ALK: variants seen among roughly 807,000 people sequenced by gnomAD.
The protein encoded by ALK is ALK receptor tyrosine kinase.
Under a neutral mutation model 163.1 loss-of-function variants are expected in ALK, and 74 were observed. The observed-to-expected ratio is 0.45, with a 90% CI of 0.38 to 0.55. The LOEUF is 0.55. Among genes scored for constraint, ALK ranks in the 20% least tolerant of loss-of-function variants. The pLI, the probability that ALK is intolerant of heterozygous loss-of-function variation, is 0.00. For synonymous variants in ALK, 960 were observed against 843.2 expected (o/e 1.14, Z -2.40); for missense variants, 2,063 against 2,105.3 (o/e 0.98, Z 0.39).
intron 4 of ALK, among the ~76,000 whole-genome samples, chr2:29,530,810 G>T (rs1673101316): frequency 6.6e-6 from 1 of 152,214 alleles, no homozygotes; most frequent in African/African-American, 2.4e-5. Flanking sequence ...TTCTCAGCCA[G>T]CCCAGAGAGG....
At chr2:29,198,361 C>T (rs1053418446) in intron 26 of ALK, among the ~76,000 whole-genome samples, 1 of 152,140 alleles carries the variant, frequency 6.6e-6, no homozygotes, top group African/African-American at 2.4e-5. Flanking sequence ...TTTTCCAACT[C>T]ATCAGCACCT....
intron 4 of ALK, among the ~76,000 whole-genome samples, chr2:29,502,803 T>G (rs1672221404): frequency 6.6e-6 from 1 of 152,188 alleles, no homozygotes; most frequent in African/African-American, 2.4e-5. Flanking sequence ...GGGTGCTGTG[T>G]GTACTGCTGA....
Position 29,193,846 on chromosome 2 carries a change from C to T in ALK, c.4241G>A (p.Arg1414Lys), listed in dbSNP as rs77762612. Residue 1414 changes from arginine (R) to lysine (K), a missense_variant, in exon 29 of 29, where the codon AGG becomes AAG. Physicochemically the swap from Arg to Lys is conservative, Grantham distance 26. Transcript: ENST00000389048. ...AGGAACCCCCTCAGGGTCCTTGGGC[C>T]TCACAGGCACTTTCTCTTCCTCTTC... ...LVEEEEKVPVRPKDPEGVPPL... is the reference protein window; with the variant it reads ...LVEEEEKVPVKPKDPEGVPPL... The T allele has an allele frequency of 3.7e-6, 6 of 1,612,864 alleles. No homozygotes were observed. In the African/African-American group the frequency reaches 4.0e-5, roughly 11 times the overall value.
At chr2:29,263,404 G>T (rs1330393398) in intron 11 of ALK, among the ~76,000 whole-genome samples, 1 of 152,176 alleles carries the variant, frequency 6.6e-6, no homozygotes, top group African/African-American at 2.4e-5. Flanking sequence ...CCTTGGAATT[G>T]TAACACTTCC....
chr2:29,501,470 C>G (rs1672174462), intron 4 of ALK, among the ~76,000 whole-genome samples: 1 of 152,214 alleles, frequency 6.6e-6, no homozygotes, highest in Non-Finnish European at 1.5e-5. Context: ...GCTGCTCCTG[C>G]AAATTCTCAC....
At chr2:29,847,153 T>C (rs1308339710) in intron 1 of ALK, among the ~76,000 whole-genome samples, 1 of 151,880 alleles carries the variant, frequency 6.6e-6, no homozygotes, top group Non-Finnish European at 1.5e-5. Flanking sequence ...TCCCAGGGGC[T>C]CCTCCCTTCC....
intron 4 of ALK, among the ~76,000 whole-genome samples, chr2:29,417,493 A>G (rs1349511100): frequency 1.3e-5 from 2 of 152,206 alleles, no homozygotes; most frequent in African/African-American, 4.8e-5. Flanking sequence ...CATCAGAGAA[A>G]GCCCTAGTGT....
chr2:29,847,189 C>A (rs79468102), intron 1 of ALK, among the ~76,000 whole-genome samples: 1 of 152,194 alleles, frequency 6.6e-6, no homozygotes, highest in East Asian at 1.9e-4. Context: ...GTATTCTCAT[C>A]TATGAATAGG....
At chr2:29,383,907 G>C (rs1423833635) in intron 4 of ALK, 48 bp from the exon 5 acceptor site, 1 of 1,612,440 alleles carries the variant, frequency 6.2e-7, no homozygotes, top group Non-Finnish European at 8.5e-7. Context: ...AAACAGATAT[G>C]AGAATTAGGC....
intron 4 of ALK, among the ~76,000 whole-genome samples, chr2:29,506,059 C>T (rs1313575500): frequency 6.6e-6 from 1 of 152,134 alleles, no homozygotes; most frequent in African/African-American, 2.4e-5. Context: ...TCTTTAGGGC[C>T]AGTGATCCCC....
intron 4 of ALK, among the ~76,000 whole-genome samples, chr2:29,384,268 AATG>A (rs1668977109): frequency 6.6e-6 from 1 of 152,224 alleles, no homozygotes; most frequent in Admixed American, 6.5e-5. Flanking sequence ...CTCTAGAAAG[AATG>A]ATTGGTTTTC....
At chr2:29,337,371 G>C (rs1047842592) in intron 5 of ALK, among the ~76,000 whole-genome samples, 1 of 152,184 alleles carries the variant, frequency 6.6e-6, no homozygotes, top group African/African-American at 2.4e-5. Flanking sequence ...TTGAGGCCTA[G>C]CCTTGCCATC....
chr2:29,537,671 G>A (rs1673297794), intron 3 of ALK, among the ~76,000 whole-genome samples: 2 of 152,218 alleles, frequency 1.3e-5, no homozygotes, highest in African/African-American at 2.4e-5. Context: ...GGGGGCTGCT[G>A]CCTTCTATAT....
intron 5 of ALK, among the ~76,000 whole-genome samples, chr2:29,360,086 T>A (rs913570519): frequency 2.6e-5 from 4 of 152,218 alleles, no homozygotes; most frequent in Non-Finnish European, 5.9e-5. Flanking sequence ...GGGATCTCTC[T>A]TCTTCTCAGG....
Position 29,275,432 on chromosome 2 carries a change from T to C in ALK, c.1882A>G (p.Ile628Val), listed in dbSNP as rs775145742. 2.5e-6 allele frequency: 4 copies of C among 1,613,920 alleles called. No homozygotes were observed. The Admixed American group carries it at 6.7e-5, about 27-fold the overall frequency. The change falls in exon 10 of 29, where the codon ATC becomes GTC. Residue 628 changes from isoleucine to valine, a missense_variant. Coordinates refer to ENST00000389048, the MANE Select transcript of ALK (RefSeq NM_004304.5). ...GSRAIVAFDNISISLDCYLTI... is the reference protein window; with the variant it reads ...GSRAIVAFDNVSISLDCYLTI... ...AGGTAGCAGTCCAGGCTGATGGAGA[T>C]ATTGTCAAAAGCCACGATGGCTCTG...
Position 29,769,465 on chromosome 2 carries a change from C to T in ALK, c.668-51768G>A, listed in dbSNP as rs566576769. 1.6e-4 allele frequency among the ~76,000 whole-genome samples: 25 copies of T among 152,226 alleles called. No individual in the cohort carries two copies. The South Asian group carries it at 5.0e-3, about 30-fold the overall frequency. On this transcript the variant is annotated intron_variant, in intron 1 of 28. Coordinates refer to ENST00000389048, the MANE Select transcript of ALK (RefSeq NM_004304.5). Reference sequence around the variant, plus strand: ...CAGAAGTTGGCTCCCTGTGGTTGGACAGGAGAAAACAGCACCCACCTATAA... The same window carrying T: ...CAGAAGTTGGCTCCCTGTGGTTGGATAGGAGAAAACAGCACCCACCTATAA...
rs138534542 is a variant in ALK, at chr2:29,275,143, G to C, written c.1997C>G (p.Pro666Arg). 4 of 1,614,112 alleles carry C rather than the reference G, an allele frequency of 2.5e-6. No individual in the cohort carries two copies. Among genetic ancestry groups the C allele is most frequent in the Non-Finnish European group, 3.4e-6 (4 of 1,180,034 alleles). ...GGTCTGTCTTGGTGAATTTTCCCCG[G>C]GTTTCAGCTCCTTGTTTGGGTTTCT... ...FERNPNKELK[P>R]GENSPRQTPI... The change falls in exon 11 of 29, where the codon CCC becomes CGC. Residue 666 changes from proline to arginine, a missense_variant. Pro to Arg is a moderately radical substitution (Grantham distance 103). Transcript: ENST00000389048.
At chr2:29,820,024 C>T (rs1487197585) in intron 1 of ALK, among the ~76,000 whole-genome samples, 1 of 152,214 alleles carries the variant, frequency 6.6e-6, no homozygotes, top group African/African-American at 2.4e-5. Flanking sequence ...TTTTTAAATA[C>T]ATCCACAGAT....
At chr2:29,411,411 T>C (rs1271898090) in intron 4 of ALK, among the ~76,000 whole-genome samples, 2 of 133,168 alleles carry the variant, frequency 1.5e-5, no homozygotes, top group African/African-American at 2.8e-5. Context: ...TAATGCACGA[T>C]GAACATTCCT....
Sources: gnomAD v4.1 joint callset for allele counts (sites outside exome capture counted in the v4.1 genomes callset) on GRCh38, gnomAD v4.1.1 for gene constraint, MANE v1.5 for transcripts, NCBI Gene and HGNC (gene_info 2026-07-23, HGNC 2026-07-21) for gene names.